Variants in SHLD2 observed in about 807,000 individuals in gnomAD.
SHLD2 encodes the protein RINN1-REV7-interacting novel NHEJ regulator 2.
A neutral mutation model predicts 73.2 loss-of-function variants in SHLD2; 30 were observed. That is an observed-to-expected ratio of 0.41 (90% CI 0.31 to 0.56). The LOEUF (loss-of-function observed/expected upper bound fraction) is 0.56. Among genes scored for constraint, SHLD2 ranks in the 20% least tolerant of loss-of-function variants. SHLD2 has a pLI of 0.28. For synonymous variants in SHLD2, 285 were observed against 370.1 expected, an observed-to-expected ratio of 0.77 and a Z score of 2.64; for missense variants, 745 against 1,055.9, an observed-to-expected ratio of 0.71 and a Z score of 4.08.
chr10:87,096,466 G>A (rs1564571832), intron 1 of SHLD2, among the ~76,000 whole-genome samples: 1 of 151,994 alleles, frequency 6.6e-6, no homozygotes, highest in Non-Finnish European at 1.5e-5. Context: ...TCAAACTAAC[G>A]AGGCTGGCAC....
At chr10:87,102,186 C>T (rs755740779) in intron 2 of SHLD2, among the ~76,000 whole-genome samples, 12 of 152,112 alleles carry the variant, frequency 7.9e-5, no homozygotes, top group Non-Finnish European at 1.6e-4. Flanking sequence ...GTGGTTATAA[C>T]AATGCTGTAA....
At position 87,176,031 on chromosome 10, in the gene SHLD2, A is replaced by G. The variant is rs1472291651; in HGVS notation, c.2106A>G (p.Gln702=). Residue 702 remains glutamine (Q), a synonymous_variant, in exon 7 of 10, where the codon CAA becomes CAG. Coordinates refer to ENST00000298786, the MANE Select transcript of SHLD2 (RefSeq NM_001330112.2). ...IRAITFKAKF[Q]KSAPSFVKIS... ...CAATTACATTTAAAGCAAAATTTCA[A>G]AAAAGTGCACCCTCCTTTGTGAAGA... The G allele has an allele frequency of 1.4e-5, 21 of 1,548,430 alleles. No individual in the cohort carries two copies. Among genetic ancestry groups the G allele is most frequent in the Non-Finnish European group, 1.7e-5 (19 of 1,146,808 alleles).
chr10:87,123,918 G>A (rs555065522), intron 2 of SHLD2, among the ~76,000 whole-genome samples: 6 of 152,294 alleles, frequency 3.9e-5, no homozygotes, highest in Non-Finnish European at 8.8e-5. Flanking sequence ...TTATTACACA[G>A]TTTACTAATA....
chr10:87,163,331 A>C (rs1846957055), intron 4 of SHLD2, among the ~76,000 whole-genome samples: 1 of 152,190 alleles, frequency 6.6e-6, no homozygotes, highest in South Asian at 2.1e-4. Flanking sequence ...GAGATTGGTC[A>C]CCTACAGGGG....
At position 87,152,218 on chromosome 10, in the gene SHLD2, G is replaced by A. The variant is rs779533276; in HGVS notation, c.864G>A (p.Glu288=). 1.9e-6 allele frequency: 3 copies of A among 1,583,896 alleles called. No homozygotes were observed. The South Asian group carries it at 3.4e-5, about 18-fold the overall frequency. Residue 288 remains glutamate, a synonymous_variant, in exon 3 of 10, where the codon GAG becomes GAA. Coordinates refer to ENST00000298786, the MANE Select transcript of SHLD2 (RefSeq NM_001330112.2). ...ACGGGGAGATAAGAATACCTGAAGA[G>A]AATTCGATTCAGCTTGATGGTTTTA... The part of the protein sequence containing the change: ...ASYGEIRIPE[E]NSIQLDGFTE...
intron 3 of SHLD2, among the ~76,000 whole-genome samples, chr10:87,155,364 ACTCC>A (rs1374453818): frequency 1.3e-5 from 2 of 150,390 alleles, no homozygotes; most frequent in African/African-American, 4.9e-5. Flanking sequence ...AATTCACCTA[ACTCC>A]CTCTGTTCTG....
intron 4 of SHLD2, 100 bp downstream of exon 4, chr10:87,158,255 T>C: frequency 8.0e-7 from 1 of 1,250,390 alleles, no homozygotes; most frequent in Non-Finnish European, 1.1e-6. Flanking sequence ...AAATGTTTTC[T>C]AAACAGTTGG....
intron 2 of SHLD2, among the ~76,000 whole-genome samples, chr10:87,133,105 T>C (rs1844548389): frequency 6.6e-6 from 1 of 152,198 alleles, no homozygotes; most frequent in South Asian, 2.1e-4. Flanking sequence ...AAGTAGTCTT[T>C]CTTAACTATA....
intron 2 of SHLD2, among the ~76,000 whole-genome samples, chr10:87,127,184 C>A (rs1230339318): frequency 1.3e-5 from 2 of 151,782 alleles, no homozygotes; most frequent in African/African-American, 4.8e-5. Context: ...TTTGAGGAAA[C>A]GTTTCACAAG....
At chr10:87,187,584 G>A (rs1301690383) in intron 9 of SHLD2, among the ~76,000 whole-genome samples, 1 of 152,210 alleles carries the variant, frequency 6.6e-6, no homozygotes, top group Non-Finnish European at 1.5e-5. Flanking sequence ...CAGTGGCTAA[G>A]AATAAAGCAA....
chr10:87,133,522 GTAA>G (rs1294020369), intron 2 of SHLD2, among the ~76,000 whole-genome samples: 1 of 152,080 alleles, frequency 6.6e-6, no homozygotes, highest in Admixed American at 6.6e-5. Flanking sequence ...AAAAAGATGA[GTAA>G]TAATTAGCAA....
intron 2 of SHLD2, among the ~76,000 whole-genome samples, chr10:87,120,665 C>CTCA (rs1843555461): frequency 6.6e-6 from 1 of 152,204 alleles, no homozygotes. Context: ...CAAGTACGTT[C>CTCA]TTCTTTCTCA....
rs200313788 is a variant in SHLD2, at chr10:87,112,728, A to C, written c.-6+15739A>C. Among the ~76,000 whole-genome samples, 12 of 149,636 alleles carry C rather than the reference A, an allele frequency of 8.0e-5. No homozygotes were observed. The South Asian group carries it at 1.7e-3, about 21-fold the overall frequency. The stretch of plus-strand genomic sequence containing the variant: ...AACTTAAATCTCAAAAAAAAAAAAA[A>C]CCCAAAAAACAAAACCCCAACAACT... On this transcript the variant is annotated intron_variant, in intron 2 of 9. Transcript: ENST00000298786.
At chr10:87,110,464 G>A (rs887219607) in intron 2 of SHLD2, among the ~76,000 whole-genome samples, 17 of 152,004 alleles carry the variant, frequency 1.1e-4, no homozygotes, top group Middle Eastern at 3.4e-3. Context: ...AAAATTAGCC[G>A]GAAGTGGTGG....
chr10:87,179,114 C>T (rs973174704), intron 7 of SHLD2, among the ~76,000 whole-genome samples: 4 of 152,142 alleles, frequency 2.6e-5, no homozygotes, highest in Non-Finnish European at 4.4e-5. Context: ...TAGACCTCAC[C>T]AGTACACAGT....
intron 2 of SHLD2, among the ~76,000 whole-genome samples, chr10:87,144,486 G>A (rs962626138): frequency 2.0e-5 from 3 of 152,090 alleles, no homozygotes; most frequent in African/African-American, 7.2e-5. Context: ...TACTAAATGA[G>A]CAATAGCTTT....
At chr10:87,122,892 C>T (rs967646094) in intron 2 of SHLD2, among the ~76,000 whole-genome samples, 19 of 152,154 alleles carry the variant, frequency 1.2e-4, no homozygotes, top group African/African-American at 1.9e-4. Context: ...ATTCTCCTGC[C>T]TCAGCCTCCC....
At chr10:87,117,874 T>G (rs1843350707) in intron 2 of SHLD2, among the ~76,000 whole-genome samples, 1 of 152,350 alleles carries the variant, frequency 6.6e-6, no homozygotes, top group African/African-American at 2.4e-5. Context: ...TTGTTTGTTT[T>G]AAAGACATTA....
intron 6 of SHLD2, among the ~76,000 whole-genome samples, chr10:87,175,222 T>C (rs567158585): frequency 3.3e-5 from 5 of 152,012 alleles, no homozygotes; most frequent in Non-Finnish European, 7.4e-5. Flanking sequence ...TATTGAAATA[T>C]GAGTGAAATA....
Sources: allele counts gnomAD v4.1 joint callset (sites outside exome capture counted in the v4.1 genomes callset), GRCh38; gene constraint gnomAD v4.1.1; transcripts MANE v1.5; gene names NCBI Gene and HGNC (gene_info 2026-07-23, HGNC 2026-07-21).